Variants in TMEM182 observed in about 807,000 individuals in gnomAD.
The protein encoded by TMEM182 is transmembrane protein 182.
Under a neutral mutation model 26.8 loss-of-function variants are expected in TMEM182, and 20 were observed. The observed-to-expected ratio is 0.75, with a 90% confidence interval of 0.53 to 1.09. The LOEUF is 1.09. Among genes scored for constraint, TMEM182 ranks in the 50% least tolerant of loss-of-function variants. The probability of loss-of-function intolerance (pLI) is 0.00; values close to 1 mark genes in which losing one functional copy is unlikely to be tolerated. For missense variants in TMEM182, 277 were observed against 275.5 expected (o/e 1.01, Z -0.04); for synonymous variants, 109 against 102.2 (o/e 1.07, Z -0.40).
In TMEM182 at chr2:102,815,558, C is replaced by T. The variant is rs1399897793; in HGVS notation, c.*590C>T. 1 of 985,440 alleles carries T rather than the reference C, an allele frequency of 1.0e-6. No homozygotes were observed. The highest frequency in any genetic ancestry group is 1.1e-4 in the East Asian group (1 of 8,818). The allele number at this position is 985,440 out of a possible 1,614,324, so 61.0% of individuals were successfully genotyped here. On this transcript the variant is annotated 3_prime_UTR_variant, in exon 5 of 5. Coordinates refer to ENST00000412401, the MANE Select transcript of TMEM182 (RefSeq NM_144632.5). ...AGACTGAGAGCATGTACTTATCTTG[C>T]TTTTTCACCAACAGTGGTTTGGTTA... is the stretch of plus-strand genomic sequence containing the variant.
intron 2 of TMEM182, 147 bp downstream of exon 2, chr2:102,762,833 T>C: frequency 3.5e-6 from 2 of 578,074 alleles, no homozygotes; most frequent in Admixed American, 7.0e-5. Context: ...ATGTAGAGAT[T>C]CCTTTTCAGT....
chr2:102,767,011 T>G lies in TMEM182; in HGVS notation c.331+2584T>G, dbSNP rs573596980. Among the ~76,000 whole-genome samples the G allele has an allele frequency of 5.7e-4, 87 of 152,326 alleles. 1 individual carries two copies. The highest frequency in any genetic ancestry group is 2.0e-3 in the African/African-American group (85 of 41,580). ...TCATGTGACTCTGTCTTCATACAGC[T>G]GCTTATTGGCAGAGCCAGTGCAAAG... On this transcript the variant is annotated intron_variant, in intron 3 of 4. Coordinates refer to ENST00000412401, the MANE Select transcript of TMEM182 (RefSeq NM_144632.5).
At chr2:102,767,114 A>G (rs901979000) in intron 3 of TMEM182, among the ~76,000 whole-genome samples, 17 of 152,192 alleles carry the variant, frequency 1.1e-4, no homozygotes, top group African/African-American at 3.9e-4. Context: ...AGTGCATACT[A>G]TTAAAAATAT....
At chr2:102,742,189 G>T (rs2732830) in intron 1 of TMEM182, among the ~76,000 whole-genome samples, 68,692 of 150,844 alleles carry the variant, frequency 0.46, 16,261 homozygotes, top group African/African-American at 0.62. Context: ...GATGAAAACT[G>T]AAAGAATCAA....
At chr2:102,838,302 G>A (rs1265719952) in intron 3 of TMEM182, among the ~76,000 whole-genome samples, 1 of 152,210 alleles carries the variant, frequency 6.6e-6, no homozygotes, top group Non-Finnish European at 1.5e-5. Context: ...GCTTGGTGCA[G>A]TGGACTACTG....
intron 3 of TMEM182, among the ~76,000 whole-genome samples, chr2:102,775,782 A>G (rs1680891190): frequency 6.6e-6 from 1 of 152,176 alleles, no homozygotes; most frequent in Non-Finnish European, 1.5e-5. Flanking sequence ...GTGAACTCCC[A>G]TTCATAATTG....
intron 3 of TMEM182, among the ~76,000 whole-genome samples, chr2:102,793,100 T>A (rs1471378991): frequency 6.6e-6 from 1 of 152,168 alleles, no homozygotes; most frequent in Non-Finnish European, 1.5e-5. Context: ...TGTCAGTGCC[T>A]CATGTGAGCT....
At position 102,815,819 on chromosome 2, in the gene TMEM182, A is replaced by G. The variant is rs1443131803; in HGVS notation, c.*851A>G. 1 of 912,552 alleles carries G rather than the reference A, an allele frequency of 1.1e-6. No homozygotes were observed. The highest frequency in any genetic ancestry group is 1.8e-5 in the African/African-American group (1 of 55,568). The allele number at this position is 912,552 out of a possible 1,614,324, so 56.5% of individuals were successfully genotyped here. ...TTTAAAAATTATATTGCTATCATTC[A>G]GCATGTGAAAATTTATTGATAAAAT... On this transcript the variant is annotated 3_prime_UTR_variant, in exon 5 of 5. Coordinates refer to ENST00000412401, the MANE Select transcript of TMEM182 (RefSeq NM_144632.5).
intron 3 of TMEM182, among the ~76,000 whole-genome samples, chr2:102,824,557 G>T (rs992290514): frequency 6.6e-6 from 1 of 152,158 alleles, no homozygotes; most frequent in Non-Finnish European, 1.5e-5. Context: ...AGGCGTGGTG[G>T]CTCATGCCTG....
chr2:102,753,987 G>A (rs1036299799), intron 1 of TMEM182, among the ~76,000 whole-genome samples: 1 of 152,160 alleles, frequency 6.6e-6, no homozygotes. Context: ...ATATTGATGG[G>A]TAAAGGAGGT....
chr2:102,811,875 T>G (rs1490680378), intron 4 of TMEM182, among the ~76,000 whole-genome samples: 1 of 152,198 alleles, frequency 6.6e-6, no homozygotes, highest in African/African-American at 2.4e-5. Flanking sequence ...TTCAACAATT[T>G]CTTTGAGAAT....
intron 4 of TMEM182, among the ~76,000 whole-genome samples, chr2:102,807,402 G>A (rs868749680): frequency 6.6e-6 from 1 of 152,174 alleles, no homozygotes; most frequent in Non-Finnish European, 1.5e-5. Context: ...GAATGTGGAC[G>A]ATTATGCATT....
chr2:102,736,998 G>C (rs1679371961), exon 1 of TMEM182: 1 of 611,108 alleles, frequency 1.6e-6, no homozygotes, highest in Non-Finnish European at 2.8e-6. Flanking sequence ...TGGGGACTGG[G>C]CACATCATCA....
downstream of TMEM182, among the ~76,000 whole-genome samples, chr2:102,818,206 A>G (rs2104764341): frequency 6.6e-6 from 1 of 152,306 alleles, no homozygotes; most frequent in South Asian, 2.1e-4. Context: ...ATGAAACAGA[A>G]AACTACATTT....
At chr2:102,743,995 A>G (rs1679614216) in intron 1 of TMEM182, among the ~76,000 whole-genome samples, 1 of 152,202 alleles carries the variant, frequency 6.6e-6, no homozygotes, top group Admixed American at 6.5e-5. Context: ...CAAATCCACG[A>G]TTACAGTTGC....
At chr2:102,772,133 C>A (rs917542265) in intron 3 of TMEM182, among the ~76,000 whole-genome samples, 2 of 152,132 alleles carry the variant, frequency 1.3e-5, no homozygotes, top group East Asian at 1.9e-4. Context: ...GTATTCAAAC[C>A]CCGAAGGAGA....
chr2:102,762,554 T>C (rs1680256158), intron 1 of TMEM182, 33 bp from the exon 2 acceptor site: 1 of 1,590,302 alleles, frequency 6.3e-7, no homozygotes. Context: ...TTTCTTGTAT[T>C]GATGGCAAGT....
chr2:102,796,173 C>T (rs746750553), intron 3 of TMEM182, among the ~76,000 whole-genome samples: 8 of 152,166 alleles, frequency 5.3e-5, no homozygotes, highest in Non-Finnish European at 7.3e-5. Context: ...GCACCTTTTA[C>T]ACAGTTCCCC....
At chr2:102,753,266 G>C (rs190801654) in intron 1 of TMEM182, among the ~76,000 whole-genome samples, 1 of 152,118 alleles carries the variant, frequency 6.6e-6, no homozygotes, top group East Asian at 1.9e-4. Flanking sequence ...ATAGAGGCTG[G>C]AGCTACATAG....
Sources: allele counts gnomAD v4.1 joint callset (sites outside exome capture counted in the v4.1 genomes callset), GRCh38; gene constraint gnomAD v4.1.1; transcripts MANE v1.5; gene names NCBI Gene and HGNC (gene_info 2026-07-23, HGNC 2026-07-21).